Variants in CIT observed in about 807,000 individuals in gnomAD.
The protein encoded by CIT is citron Rho-interacting kinase.
CIT carries 79 observed loss-of-function variants against 272.7 expected under a neutral mutation model. That is an observed-to-expected ratio of 0.29 (90% CI 0.24 to 0.35). The LOEUF (loss-of-function observed/expected upper bound fraction) is 0.35, where lower values mean the gene tolerates loss of function less well. Ranked by LOEUF, CIT falls within the 10% of genes least tolerant of loss-of-function variation. The pLI, the probability that CIT is intolerant of heterozygous loss-of-function variation, is 1.00. For missense variants in CIT, 1,909 were observed against 2,618.3 expected (o/e 0.73, Z 5.91); for synonymous variants, 948 against 995.6 (o/e 0.95, Z 0.90).
chr12:119,807,408 A>C (rs1966672685), intron 9 of CIT, among the ~76,000 whole-genome samples: 3 of 152,212 alleles, frequency 2.0e-5, no homozygotes, highest in African/African-American at 7.2e-5. Context: ...TTGGGGATAT[A>C]ATTCTTCTAT....
chr12:119,709,774 G>A (rs190815604), intron 39 of CIT, among the ~76,000 whole-genome samples: 2,102 of 50,502 alleles, frequency 0.042, 49 homozygotes, highest in African/African-American at 0.18. Flanking sequence ...GAGAGAGAGA[G>A]AGAGAGAGAG....
At position 119,728,379 on chromosome 12, in the gene CIT, G is replaced by A. The variant is rs1958241234; in HGVS notation, c.3591+123C>T. On this transcript the variant is annotated intron_variant, in intron 28 of 47. Coordinates refer to ENST00000392521, the MANE Select transcript of CIT (RefSeq NM_001206999.2). This position sits in a 1 kb window ranked among gnomAD's most constrained non-coding sequence, Gnocchi z 4.3. The stretch of plus-strand genomic sequence containing the variant: ...TGTGGGAGGAGGAGACAGGGAGTAT[G>A]TGGGAACTCTCTGTGCTTTCTGCTC... 1 of 669,332 alleles carries A rather than the reference G, an allele frequency of 1.5e-6. No individual in the cohort carries two copies. Among genetic ancestry groups the A allele is most frequent in the Non-Finnish European group, 2.7e-6 (1 of 375,618 alleles). The allele number at this position is 669,332 out of a possible 1,614,324, so 41.5% of individuals were successfully genotyped here. A position where few individuals can be genotyped will look rare whatever the true frequency, so the allele number is the denominator to read the frequency against.
In CIT at chr12:119,737,998, A is replaced by T. The variant is rs548947671; in HGVS notation, c.2959-2641T>A. ...AATTAATGGTCTTCGTGGATTTTTT[A>T]AAAAAGGCATAACAACAGGCAATGT... On this transcript the variant is annotated intron_variant, in intron 24 of 47. Coordinates refer to ENST00000392521, the MANE Select transcript of CIT (RefSeq NM_001206999.2). Among the ~76,000 whole-genome samples, 19 of 152,282 alleles carry T rather than the reference A, an allele frequency of 1.2e-4. No homozygotes were observed. The South Asian group carries it at 2.3e-3, about 18-fold the overall frequency.
At chr12:119,842,065 A>G (rs1346519139) in intron 5 of CIT, among the ~76,000 whole-genome samples, 1 of 152,172 alleles carries the variant, frequency 6.6e-6, no homozygotes, top group Non-Finnish European at 1.5e-5. Flanking sequence ...AGAAAACCAC[A>G]GTAGGAAAAA....
rs1957684887 is a variant in CIT, at chr12:119,718,871, G to A, written c.3841-10C>T. 2.5e-6 allele frequency: 4 copies of A among 1,613,750 alleles called. No homozygotes were observed. The highest frequency in any genetic ancestry group is 3.4e-6 in the Non-Finnish European group (4 of 1,179,810). Reference sequence around the variant, plus strand: ...GTCGACTAAATAAACCCTAGCAATGGAAACAGAGATATCTCCTAACTCCTG... The same window carrying A: ...GTCGACTAAATAAACCCTAGCAATGAAAACAGAGATATCTCCTAACTCCTG... On this transcript the variant is annotated splice_polypyrimidine_tract_variant and intron_variant, in intron 30 of 47. Transcript: ENST00000392521. The surrounding 1 kb of genome is among the most constrained non-coding windows in gnomAD (Gnocchi z 4.8).
At position 119,734,203 on chromosome 12, in the gene CIT, C is replaced by T. The variant is rs2137250810; in HGVS notation, c.3311G>A (p.Arg1104Gln). ...DEKSQFECRV[R>Q]ELQRMLDTEK... ...GGTGTCCAGCATTCTCTGCAGCTCT[C>T]GAACCCGACACTCAAACTGGGATTT... Residue 1104 changes from arginine (R) to glutamine (Q), a missense_variant, in exon 26 of 48, where the codon CGA becomes CAA. Arg to Gln is a conservative substitution (Grantham distance 43). This residue lies in a region of CIT where 530 missense variants were observed against 822.4 expected (regional missense o/e 0.64). Transcript: ENST00000392521. 6.2e-7 allele frequency: 1 copy of T among 1,613,764 alleles called. No individual in the cohort carries two copies. Among genetic ancestry groups the T allele is most frequent in the Non-Finnish European group, 8.5e-7 (1 of 1,179,972 alleles).
chr12:119,780,482 C>G (rs575479165), intron 13 of CIT, among the ~76,000 whole-genome samples: 2 of 151,734 alleles, frequency 1.3e-5, no homozygotes, highest in Non-Finnish European at 2.9e-5. Context: ...CTGGGTGTGG[C>G]GGCGTGCACC....
chr12:119,786,836 C>T (rs1032032640), intron 10 of CIT, among the ~76,000 whole-genome samples: 16 of 152,208 alleles, frequency 1.1e-4, no homozygotes, highest in East Asian at 3.8e-4. Flanking sequence ...TGTTCAAAAT[C>T]TCAGGCTGGG....
chr12:119,813,947 G>T (rs1042520661), intron 9 of CIT, among the ~76,000 whole-genome samples: 2 of 152,066 alleles, frequency 1.3e-5, no homozygotes, highest in Non-Finnish European at 2.9e-5. Context: ...TGGGGCTCTT[G>T]TAACTGTTTA....
At chr12:119,757,012 C>G (rs9739159) in intron 22 of CIT, among the ~76,000 whole-genome samples, 3 of 151,568 alleles carry the variant, frequency 2.0e-5, no homozygotes, top group Admixed American at 2.0e-4. Flanking sequence ...CCCAGCTACT[C>G]GAGAAGCTGA....
chr12:119,822,973 G>A lies in CIT; in HGVS notation c.958C>T (p.Arg320Trp), dbSNP rs1465778050. Residue 320 changes from arginine (R) to tryptophan (W), a missense_variant and splice_region_variant, in exon 9 of 48, where the codon CGG becomes TGG. Arg to Trp is a moderately radical substitution (Grantham distance 101). Around this residue, in one of 8 missense-constraint regions of CIT, gnomAD observed 529 missense variants for 549.6 expected, o/e 0.96. Transcript: ENST00000392521. ...RTFNNIMNFQRFLKFPDDPKV... is the reference protein window; with the variant it reads ...RTFNNIMNFQWFLKFPDDPKV... ...GGGTCATCTGGAAATTTCAAAAACC[G>A]CTGTTCCAAAAAAAATAAGAGAATT... 27 of 1,600,074 alleles carry A rather than the reference G, an allele frequency of 1.7e-5. No homozygotes were observed. Among genetic ancestry groups the A allele is most frequent in the East Asian group, 2.2e-5 (1 of 44,596 alleles).
chr12:119,761,168 C>T (rs1282967012), intron 19 of CIT, 113 bp from the exon 20 acceptor site: 41 of 814,848 alleles, frequency 5.0e-5, no homozygotes, highest in South Asian at 1.2e-4. Flanking sequence ...GGGAGAGGCC[C>T]GAGGTCTCCA....
chr12:119,780,465 A>C (rs1964183980), intron 13 of CIT, among the ~76,000 whole-genome samples: 1 of 152,058 alleles, frequency 6.6e-6, no homozygotes, highest in African/African-American at 2.4e-5. Flanking sequence ...AAAAACACAA[A>C]AATTAGCTGG....
At chr12:119,772,936 T>G in intron 16 of CIT, 26 bp from the exon 17 acceptor site, 1 of 1,599,440 alleles carries the variant, frequency 6.3e-7, no homozygotes, top group Non-Finnish European at 8.5e-7. Flanking sequence ...GAAAAGGAGA[T>G]AGGTGGGCAA....
chr12:119,786,888 G>A (rs1020922283), intron 10 of CIT, among the ~76,000 whole-genome samples: 7 of 152,198 alleles, frequency 4.6e-5, no homozygotes, highest in Non-Finnish European at 1.0e-4. Context: ...TTGGGAGGCC[G>A]AGGCAGAAGG....
chr12:119,729,464 T>G (rs1958310692), intron 27 of CIT, among the ~76,000 whole-genome samples: 1 of 152,232 alleles, frequency 6.6e-6, no homozygotes, highest in Non-Finnish European at 1.5e-5. Context: ...TTCAAGTAGG[T>G]ACTTCCATGC....
In CIT at chr12:119,770,163, C is replaced by G. The variant is rs1050223595; in HGVS notation, c.2208+622G>C. Among the ~76,000 whole-genome samples, 17 of 152,128 alleles carry G rather than the reference C, an allele frequency of 1.1e-4. No homozygotes were observed. Among genetic ancestry groups the G allele is most frequent in the African/African-American group, 3.1e-4 (13 of 41,424 alleles). ...ACACATCTGCAAATACCACCCGAAC[C>G]TTCCTTGATCAAGTTAATTTGGTGA... On this transcript the variant is annotated intron_variant, in intron 18 of 47. Transcript: ENST00000392521. The surrounding 1 kb of genome is among the most constrained non-coding windows in gnomAD (Gnocchi z 4.4).
At chr12:119,819,911 CA>C (rs1967537263) in intron 9 of CIT, among the ~76,000 whole-genome samples, 2 of 152,110 alleles carry the variant, frequency 1.3e-5, no homozygotes, top group Admixed American at 1.3e-4. Flanking sequence ...TGGTGAAAAA[CA>C]GGAAAATTTG....
At position 119,697,730 on chromosome 12, in the gene CIT, G is replaced by T; in HGVS notation, c.5811C>A (p.Val1937=). 3.1e-6 allele frequency: 5 copies of T among 1,614,154 alleles called. No individual in the cohort carries two copies. The highest frequency in any genetic ancestry group is 4.2e-6 in the Non-Finnish European group (5 of 1,180,038). Residue 1937 remains valine (V), a synonymous_variant, in exon 46 of 48, where the codon GTC becomes GTA. Transcript: ENST00000392521. This position sits in a 1 kb window ranked among gnomAD's most constrained non-coding sequence, Gnocchi z 4.9. ...LASSYQDKLR[V]ICCKGNLVKE... ...TCACGAGGTTTCCCTTGCAGCAAAT[G>T]ACCCTTAATTTATCCTGGTATGAGG...
Sources: gnomAD v4.1 joint callset for allele counts (sites outside exome capture counted in the v4.1 genomes callset) on GRCh38, gnomAD v4.1.1 for gene constraint, gnomAD v4.1.1 regional missense constraint, Gnocchi (gnomAD v3.1) non-coding constraint, MANE v1.5 for transcripts, NCBI Gene and HGNC (gene_info 2026-07-23, HGNC 2026-07-21) for gene names.